Variants in AFG1L observed in about 807,000 individuals in gnomAD.
AFG1L encodes the protein AFG1-like ATPase.
Under a neutral mutation model 62.2 loss-of-function variants are expected in AFG1L, and 53 were observed. The observed-to-expected ratio is 0.85, with a 90% CI of 0.68 to 1.07. The LOEUF is 1.07. Ranked by LOEUF, AFG1L falls within the 50% of genes least tolerant of loss-of-function variation. AFG1L has a pLI of 0.00. For synonymous variants in AFG1L, 228 were observed against 210.3 expected, an observed-to-expected ratio of 1.08 and a Z score of -0.73; for missense variants, 555 against 590.5, an observed-to-expected ratio of 0.94 and a Z score of 0.62.
chr6:108,365,854 C>A (rs1779736245), intron 5 of AFG1L, among the ~76,000 whole-genome samples: 2 of 151,826 alleles, frequency 1.3e-5, no homozygotes. Flanking sequence ...ATTATTTTTT[C>A]ATCTCTCTTT....
At chr6:108,462,636 C>T (rs936553864) in intron 8 of AFG1L, among the ~76,000 whole-genome samples, 3 of 152,140 alleles carry the variant, frequency 2.0e-5, no homozygotes, top group Non-Finnish European at 4.4e-5. Flanking sequence ...TGCCTTTTAT[C>T]TCCTATTCCT....
At position 108,366,568 on chromosome 6, in the gene AFG1L, G is replaced by T. The variant is rs201280132; in HGVS notation, c.748+236G>T. ...TGTTTGGTGCACTTGCTGTTTTTTT[G>T]TTTTTTTTTTTCCCTAAATATTAGA... On this transcript the variant is annotated intron_variant, in intron 6 of 12. Coordinates refer to ENST00000368977, the MANE Select transcript of AFG1L (RefSeq NM_145315.5). Among the ~76,000 whole-genome samples, 41 of 145,398 alleles carry T rather than the reference G, an allele frequency of 2.8e-4. 1 individual carries two copies. Among genetic ancestry groups the T allele is most frequent in the South Asian group, 6.4e-4 (3 of 4,654 alleles).
At chr6:108,323,641 G>A (rs956271156) in intron 1 of AFG1L, among the ~76,000 whole-genome samples, 184 bp from the exon 2 acceptor site, 4 of 152,160 alleles carry the variant, frequency 2.6e-5, no homozygotes, top group Admixed American at 1.3e-4. Flanking sequence ...AATTACAGGC[G>A]TGAGCCACCA....
intron 8 of AFG1L, among the ~76,000 whole-genome samples, chr6:108,455,229 G>A (rs1308874497): frequency 2.0e-5 from 3 of 152,196 alleles, no homozygotes; most frequent in Non-Finnish European, 4.4e-5. Flanking sequence ...TCCAGTGTAG[G>A]AGAATTGAGG....
At chr6:108,510,094 C>T in intron 10 of AFG1L, 118 bp from the exon 11 acceptor site, 1 of 692,046 alleles carries the variant, frequency 1.4e-6, no homozygotes, top group Non-Finnish European at 2.3e-6. Context: ...GTCAAGTTAC[C>T]CACAGCTACC....
chr6:108,316,895 C>T (rs1210854010), intron 1 of AFG1L, among the ~76,000 whole-genome samples: 1 of 152,140 alleles, frequency 6.6e-6, no homozygotes, highest in African/African-American at 2.4e-5. Context: ...TAACATCCAT[C>T]ACCTCAACTC....
At chr6:108,428,956 T>C (rs1770944569) in intron 7 of AFG1L, among the ~76,000 whole-genome samples, 1 of 152,192 alleles carries the variant, frequency 6.6e-6, no homozygotes, top group Admixed American at 6.5e-5. Context: ...ATTTTTGTTT[T>C]TGCTGTACTT....
At chr6:108,352,997 A>G (rs1779141560) in intron 3 of AFG1L, among the ~76,000 whole-genome samples, 1 of 152,164 alleles carries the variant, frequency 6.6e-6, no homozygotes, top group African/African-American at 2.4e-5. Flanking sequence ...CCATTCATCC[A>G]TTAATGGATG....
At chr6:108,415,261 TA>T (rs1362028226) in intron 7 of AFG1L, among the ~76,000 whole-genome samples, 1 of 151,972 alleles carries the variant, frequency 6.6e-6, no homozygotes, top group African/African-American at 2.4e-5. Context: ...ACTGCTCAAC[TA>T]AATAAAAGAG....
At position 108,347,121 on chromosome 6, in the gene AFG1L, C is replaced by G; in HGVS notation, c.415+82C>G. The G allele has an allele frequency of 5.9e-6, 7 of 1,176,614 alleles. No individual in the cohort carries two copies. In the South Asian group the frequency reaches 8.7e-5, roughly 15 times the overall value. 72.9% of individuals were successfully genotyped at this position (1,176,614 alleles called of 1,614,324 possible). A position where few individuals can be genotyped will look rare whatever the true frequency, so the allele number is the denominator to read the frequency against. On this transcript the variant is annotated intron_variant, in intron 3 of 12. Transcript: ENST00000368977. ...CTCAGGGATGATTTCTATTTCTATC[C>G]CTCAATCTGTTACCAGCAAGGGAAT...
At chr6:108,306,547 C>T (rs1001367604) in intron 1 of AFG1L, among the ~76,000 whole-genome samples, 2 of 152,066 alleles carry the variant, frequency 1.3e-5, no homozygotes, top group African/African-American at 4.8e-5. Context: ...TGGGTGCCAC[C>T]TTGTCCCAAT....
chr6:108,311,921 G>T (rs1471014447), intron 1 of AFG1L, among the ~76,000 whole-genome samples: 1 of 151,898 alleles, frequency 6.6e-6, no homozygotes, highest in African/African-American at 2.4e-5. Context: ...CTTGAGTAAA[G>T]TGGTACGATC....
chr6:108,475,508 A>G (rs1382923878), intron 8 of AFG1L, among the ~76,000 whole-genome samples: 1 of 152,094 alleles, frequency 6.6e-6, no homozygotes, highest in Non-Finnish European at 1.5e-5. Context: ...TGACATTTAC[A>G]TTGGTTTGTG....
intron 10 of AFG1L, among the ~76,000 whole-genome samples, chr6:108,496,685 C>G (rs960573491): frequency 6.6e-6 from 1 of 152,080 alleles, no homozygotes; most frequent in African/African-American, 2.4e-5. Context: ...TGACTCTTTT[C>G]TGTCATTATT....
intron 7 of AFG1L, among the ~76,000 whole-genome samples, chr6:108,407,181 G>C (rs1049327095): frequency 6.6e-6 from 1 of 152,016 alleles, no homozygotes; most frequent in East Asian, 1.9e-4. Context: ...AGCCTTTGCC[G>C]GCATGGTTGG....
At chr6:108,324,111 G>A in intron 2 of AFG1L, 63 bp downstream of exon 2, 1 of 1,178,172 alleles carries the variant, frequency 8.5e-7, no homozygotes, top group Non-Finnish European at 1.2e-6. Context: ...TAAAATGGAT[G>A]CAATGCAGTA....
At chr6:108,459,502 C>CTTATTCCCATCA (rs1772375534) in intron 8 of AFG1L, among the ~76,000 whole-genome samples, 1 of 152,184 alleles carries the variant, frequency 6.6e-6, no homozygotes, top group Non-Finnish European at 1.5e-5. Flanking sequence ...ATAGGTAACT[C>CTTATTCCCATCA]TGGGCCCTCT....
chr6:108,399,084 G>A (rs996389724), intron 6 of AFG1L, among the ~76,000 whole-genome samples: 33 of 151,500 alleles, frequency 2.2e-4, no homozygotes, highest in African/African-American at 7.8e-4. Context: ...TATGAATACG[G>A]AATAGCTTTC....
At chr6:108,335,448 A>G (rs145634713) in intron 2 of AFG1L, among the ~76,000 whole-genome samples, 1 of 152,156 alleles carries the variant, frequency 6.6e-6, no homozygotes, top group South Asian at 2.1e-4. Flanking sequence ...AGGTGTCTCC[A>G]TTGTGTGCCT....
Sources: gnomAD v4.1 joint callset for allele counts (sites outside exome capture counted in the v4.1 genomes callset) on GRCh38, gnomAD v4.1.1 for gene constraint, MANE v1.5 for transcripts, NCBI Gene and HGNC (gene_info 2026-07-23, HGNC 2026-07-21) for gene names.